The following PAX2 variants were observed in gnomAD, a reference collection of about 807,000 sequenced individuals.
PAX2 encodes paired box 2.
Under a neutral mutation model 41.7 loss-of-function variants are expected in PAX2, and 9 were observed. The ratio of observed to expected loss-of-function variants is 0.22; its 90% CI spans 0.13 to 0.38. The LOEUF (loss-of-function observed/expected upper bound fraction) is 0.38. PAX2 is among the 10% of genes least tolerant of loss of function. The pLI, the probability that PAX2 is intolerant of heterozygous loss-of-function variation, is 1.00. For synonymous variants in PAX2, 221 were observed against 212.7 expected (o/e 1.04, Z -0.34); for missense variants, 418 against 531.6 (o/e 0.79, Z 2.10).
chr10:100,809,013 TG>T, intron 6 of PAX2, 96 bp from the exon 7 acceptor site: 2 of 1,148,944 alleles, frequency 1.7e-6, no homozygotes, highest in Non-Finnish European at 1.3e-6. Flanking sequence ...CTACCCCATC[TG>T]GGCGGGCTCC....
chr10:100,756,384 G>T (rs1351669127), intron 3 of PAX2, among the ~76,000 whole-genome samples: 1 of 152,206 alleles, frequency 6.6e-6, no homozygotes, highest in Non-Finnish European at 1.5e-5. Context: ...TGGAATTGGA[G>T]TTTTTATATT....
In PAX2 at chr10:100,748,712, G is replaced by A; in HGVS notation, c.44-1034G>A. On this transcript the variant is annotated intron_variant, in intron 1 of 9. Coordinates refer to ENST00000355243, the MANE Select transcript of PAX2 (RefSeq NM_000278.5). The surrounding 1 kb of genome is among the most constrained non-coding windows in gnomAD (Gnocchi z 5.0). ...CTCGGTTCCGAGATCGGGAGCCCGC[G>A]CTGGAGCCGGGTTGGAAACCCCGTG... 1 of 985,504 alleles carries A rather than the reference G, an allele frequency of 1.0e-6. No homozygotes were observed. The highest frequency in any genetic ancestry group is 1.2e-6 in the Non-Finnish European group (1 of 829,972). The allele number at this position is 985,504 out of a possible 1,614,324, so 61.0% of individuals were successfully genotyped here. A position where few individuals can be genotyped will look rare whatever the true frequency, so the allele number is the denominator to read the frequency against.
intron 5 of PAX2, 44 bp downstream of exon 5, chr10:100,781,409 G>T (rs1206939711): frequency 6.2e-7 from 1 of 1,610,286 alleles, no homozygotes; most frequent in East Asian, 2.2e-5. Context: ...CACATGCTTT[G>T]TCCTTGGACT....
At chr10:100,772,205 C>T (rs966580667) in intron 3 of PAX2, among the ~76,000 whole-genome samples, 18 of 152,204 alleles carry the variant, frequency 1.2e-4, no homozygotes, top group African/African-American at 4.3e-4. Flanking sequence ...CTGCAACCTC[C>T]ACCGACTCCA....
chr10:100,766,282 T>C (rs1222974473), intron 3 of PAX2, among the ~76,000 whole-genome samples: 4 of 152,252 alleles, frequency 2.6e-5, no homozygotes, highest in Non-Finnish European at 5.9e-5. Flanking sequence ...ACAGGAAACC[T>C]GCACCCTAGC....
At chr10:100,743,034 C>T (rs1845025886), upstream of PAX2, among the ~76,000 whole-genome samples, 1 of 151,586 alleles carries the variant, frequency 6.6e-6, no homozygotes, top group African/African-American at 2.4e-5. Context: ...AAAGGGGTTC[C>T]TAATCTCCAG....
In PAX2 at chr10:100,748,387, G is replaced by A. The variant is rs927686373; in HGVS notation, c.44-1359G>A. On this transcript the variant is annotated intron_variant, in intron 1 of 9. Coordinates refer to ENST00000355243, the MANE Select transcript of PAX2 (RefSeq NM_000278.5). This position sits in a 1 kb window ranked among gnomAD's most constrained non-coding sequence, Gnocchi z 5.0. ...AGTCTCTCCCAGCAACGCGATCAGA[G>A]GTCTTTCCCCAGGGTTTCACCGAGC... 2 of 980,856 alleles carry A rather than the reference G, an allele frequency of 2.0e-6. No individual in the cohort carries two copies. The highest frequency in any genetic ancestry group is 9.4e-5 in the South Asian group (2 of 21,188). 60.8% of individuals were successfully genotyped at this position (980,856 alleles called of 1,614,324 possible).
At chr10:100,739,041 A>ACACACACACACACACACACT (rs1844863634) in intron 1 of PAX2, among the ~76,000 whole-genome samples, 1 of 150,304 alleles carries the variant, frequency 6.7e-6, no homozygotes, top group Non-Finnish European at 1.5e-5. Context: ...ACACACACAC[A>ACACACACACACACACACACT]CACACACACG....
At chr10:100,751,790 C>G in intron 3 of PAX2, among the ~76,000 whole-genome samples, 1 of 152,114 alleles carries the variant, frequency 6.6e-6, no homozygotes, top group Non-Finnish European at 1.5e-5. Flanking sequence ...GCTCAGGAAC[C>G]CAGGCTGGTT....
intron 3 of PAX2, among the ~76,000 whole-genome samples, chr10:100,754,928 A>G (rs1336758574): frequency 6.6e-6 from 1 of 152,184 alleles, no homozygotes; most frequent in Non-Finnish European, 1.5e-5. Flanking sequence ...GGCAAGTTGG[A>G]GAGTTCAGAA....
chr10:100,767,462 TG>T (rs1288989550), intron 3 of PAX2, among the ~76,000 whole-genome samples: 3 of 152,038 alleles, frequency 2.0e-5, no homozygotes, highest in African/African-American at 7.2e-5. Flanking sequence ...AAGACTTCGC[TG>T]TTAGTGAAAA....
chr10:100,739,707 C>T (rs1455751126), intron 1 of PAX2, among the ~76,000 whole-genome samples: 6 of 152,212 alleles, frequency 3.9e-5, no homozygotes, highest in African/African-American at 1.4e-4. Context: ...CCCCACCCTC[C>T]GCAGGTCCCA....
Position 100,827,692 on chromosome 10 carries a change from C to CGGAG in PAX2, c.*83_*86dup. The CGGAG allele has an allele frequency of 6.2e-7, 1 of 1,612,538 alleles. No homozygotes were observed. Among genetic ancestry groups the CGGAG allele is most frequent in the Non-Finnish European group, 8.5e-7 (1 of 1,179,554 alleles). On this transcript the variant is annotated 3_prime_UTR_variant, in exon 10 of 10. Transcript: ENST00000355243. This position sits in a 1 kb window ranked among gnomAD's most constrained non-coding sequence, Gnocchi z 8.5. ...ACATCGTCCCCGTCTGACCCCACCC[C>CGGAG]GGAGGGAGGGAGGACCGACGCGACG...
intron 5 of PAX2, among the ~76,000 whole-genome samples, chr10:100,790,768 G>A (rs1847082329): frequency 6.6e-6 from 1 of 152,202 alleles, no homozygotes; most frequent in African/African-American, 2.4e-5. Context: ...GCCCAGAAAA[G>A]GACCCCTCCT....
chr10:100,786,999 T>C, intron 5 of PAX2: 1 of 1,388,590 alleles, frequency 7.2e-7, no homozygotes, highest in Non-Finnish European at 9.7e-7. Context: ...GCATCTGGTC[T>C]GGACTTTAAG....
chr10:100,798,690 C>T (rs909396725), intron 5 of PAX2, among the ~76,000 whole-genome samples: 7 of 152,100 alleles, frequency 4.6e-5, no homozygotes, highest in Non-Finnish European at 1.0e-4. Flanking sequence ...TCTCTTCATT[C>T]CTGAACACTC....
At chr10:100,747,818 G>A in intron 1 of PAX2, 1 of 985,034 alleles carries the variant, frequency 1.0e-6, no homozygotes, top group Non-Finnish European at 1.2e-6. Context: ...GTGGAACCGG[G>A]TCCACACGCC....
chr10:100,742,424 CCGGCAGTAGCTCGGCCTGGAGGG>C (rs1844991798), upstream of PAX2, among the ~76,000 whole-genome samples: 2 of 152,006 alleles, frequency 1.3e-5, no homozygotes, highest in South Asian at 4.2e-4. Flanking sequence ...GAAAACCAGG[CCGGCAGTAGCTCGGCCTGGAGGG>C]CGGAGGCAAG....
chr10:100,806,727 C>T, intron 6 of PAX2, 122 bp downstream of exon 6: 1 of 863,944 alleles, frequency 1.2e-6, no homozygotes, highest in Admixed American at 1.7e-5. Flanking sequence ...CACGTGTGTT[C>T]TGTGTGTGTG....
Sources: allele counts gnomAD v4.1 joint callset (sites outside exome capture counted in the v4.1 genomes callset), GRCh38; gene constraint gnomAD v4.1.1; non-coding constraint Gnocchi (gnomAD v3.1); transcripts MANE v1.5; gene names NCBI Gene and HGNC (gene_info 2026-07-23, HGNC 2026-07-21).